ZNF653: variants seen among roughly 807,000 people sequenced by gnomAD.
ZNF653 encodes the protein 67 kDa zinc finger protein.
A neutral mutation model predicts 59.9 loss-of-function variants in ZNF653; 37 were observed. The ratio of observed to expected loss-of-function variants is 0.62; its 90% CI spans 0.48 to 0.81. The LOEUF (loss-of-function observed/expected upper bound fraction) is 0.81. Among genes scored for constraint, ZNF653 ranks in the 40% least tolerant of loss-of-function variants. ZNF653 has a pLI of 0.00. For missense variants in ZNF653, 808 were observed against 881.1 expected, an observed-to-expected ratio of 0.92 and a Z score of 1.05; for synonymous variants, 435 against 371.8, an observed-to-expected ratio of 1.17 and a Z score of -1.96.
At position 11,495,994 on chromosome 19, in the gene ZNF653, G is replaced by A. The variant is rs1167493887; in HGVS notation, c.515C>T (p.Ser172Leu). The A allele has an allele frequency of 6.8e-6, 11 of 1,614,028 alleles. No homozygotes were observed. Among genetic ancestry groups the A allele is most frequent in the Admixed American group, 5.0e-5 (3 of 60,000 alleles). ...AGHRYFQDLH[S>L]PLKPLSDSDP... Reference sequence around the variant, plus strand: ...TGAGTCGCTGAGGGGCTTCAGGGGCGAATGCAGGTCCTGGAAGTAGCGGTG... The same window carrying A: ...TGAGTCGCTGAGGGGCTTCAGGGGCAAATGCAGGTCCTGGAAGTAGCGGTG... The change falls in exon 3 of 9, where the codon TCG (serine) becomes TTG (leucine). Residue 172 changes from serine (S) to leucine (L), a missense_variant. Coordinates refer to ENST00000293771, the MANE Select transcript of ZNF653 (RefSeq NM_138783.4). This position sits in a 1 kb window ranked among gnomAD's most constrained non-coding sequence, Gnocchi z 4.9.
intron 1 of ZNF653, 41 bp from the exon 2 acceptor site, chr19:11,498,380 C>T (rs182199095): frequency 1.2e-6 from 2 of 1,613,596 alleles, no homozygotes; most frequent in East Asian, 2.2e-5. Flanking sequence ...GGGGGACCAG[C>T]GCTGGGCCTG....
chr19:11,505,322 C>A, intron 1 of ZNF653, 166 bp downstream of exon 1: 1 of 667,608 alleles, frequency 1.5e-6, no homozygotes, highest in Admixed American at 4.3e-5. Context: ...GGCCACGAGC[C>A]AGGCGCGTCC....
chr19:11,483,899 G>A lies in ZNF653; in HGVS notation c.1671-40C>T, dbSNP rs748760125. The A allele has an allele frequency of 2.0e-6, 3 of 1,501,768 alleles. No individual in the cohort carries two copies. In the African/African-American group the frequency reaches 4.2e-5, roughly 21 times the overall value. 93.0% of individuals were successfully genotyped at this position (1,501,768 alleles called of 1,614,324 possible). ...TGGCGGGACGGGGCGGGGTCAGAGTGGGCGGGGCGGGGCGGGGCCCTACAA... is the reference window on the plus strand; with the variant it reads ...TGGCGGGACGGGGCGGGGTCAGAGTAGGCGGGGCGGGGCGGGGCCCTACAA... On this transcript the variant is annotated intron_variant, in intron 8 of 8. Transcript: ENST00000293771.
chr19:11,501,878 TC>T (rs1344707985), intron 1 of ZNF653, among the ~76,000 whole-genome samples: 2 of 152,126 alleles, frequency 1.3e-5, no homozygotes, highest in African/African-American at 4.8e-5. Context: ...CACTGCAAAC[TC>T]TGCCTCCTGG....
chr19:11,499,089 G>A (rs1264740849), intron 1 of ZNF653, among the ~76,000 whole-genome samples: 3 of 152,110 alleles, frequency 2.0e-5, no homozygotes, highest in African/African-American at 7.2e-5. Context: ...CCCTCCCTTG[G>A]ACTCTCTCCC....
At chr19:11,490,920 C>T (rs547910642) in intron 3 of ZNF653, among the ~76,000 whole-genome samples, 2 of 152,360 alleles carry the variant, frequency 1.3e-5, no homozygotes, top group South Asian at 2.1e-4. Context: ...AGCTCAGTCT[C>T]TCCAGTGGCT....
At chr19:11,494,380 A>G (rs1451105016) in intron 3 of ZNF653, among the ~76,000 whole-genome samples, 1 of 126,962 alleles carries the variant, frequency 7.9e-6, no homozygotes, top group Non-Finnish European at 1.6e-5. Flanking sequence ...AACATAACAT[A>G]AAACATAACA....
chr19:11,499,023 C>G (rs1971617189), intron 1 of ZNF653, among the ~76,000 whole-genome samples: 1 of 152,206 alleles, frequency 6.6e-6, no homozygotes. Context: ...CCGTGCCCAG[C>G]CTAGAATCTG....
intron 8 of ZNF653, 69 bp downstream of exon 8, chr19:11,483,973 C>T (rs1485251887): frequency 1.3e-6 from 2 of 1,532,332 alleles, no homozygotes; most frequent in Admixed American, 2.0e-5. Flanking sequence ...GGGGCGAAGC[C>T]GCCCCTGGGA....
chr19:11,505,373 TG>T, intron 1 of ZNF653, 114 bp downstream of exon 1: 1 of 1,152,432 alleles, frequency 8.7e-7, no homozygotes, highest in Non-Finnish European at 1.1e-6. Context: ...GCCCGGCTCC[TG>T]GGCGGGGTCC....
intron 1 of ZNF653, 53 bp downstream of exon 1, chr19:11,505,435 G>A: frequency 7.3e-7 from 1 of 1,374,732 alleles, no homozygotes; most frequent in South Asian, 1.6e-5. Context: ...GTAAAGCCCG[G>A]CGGGGTCTGG....
chr19:11,483,529 G>A lies in ZNF653; in HGVS notation c.*153C>T, dbSNP rs1438090004. The A allele has an allele frequency of 2.1e-6, 3 of 1,404,088 alleles. No homozygotes were observed. The highest frequency in any genetic ancestry group is 5.4e-5 in the East Asian group (2 of 36,744). The allele number at this position is 1,404,088 out of a possible 1,614,324, so 87.0% of individuals were successfully genotyped here. A position where few individuals can be genotyped will look rare whatever the true frequency, so the allele number is the denominator to read the frequency against. ...GAAGGATGCGGTGGGGCGGGGTGGG[G>A]AACCTGCCCAGGGGGCCCAGCTCTG... On this transcript the variant is annotated 3_prime_UTR_variant, in exon 9 of 9. Transcript: ENST00000293771.
In ZNF653 at chr19:11,495,605, T is replaced by C. The variant is rs1439405156; in HGVS notation, c.559+345A>G. On this transcript the variant is annotated intron_variant, in intron 3 of 8. Transcript: ENST00000293771. This position sits in a 1 kb window ranked among gnomAD's most constrained non-coding sequence, Gnocchi z 4.9. ...GGCCTGGGTGGTTTAGGCGGCCGTT[T>C]CGCTGTGGGGGCCGAGCCCTGCCCC... The C allele has an allele frequency of 8.4e-6, 3 of 356,152 alleles. No individual in the cohort carries two copies. The highest frequency in any genetic ancestry group is 1.6e-5 in the Non-Finnish European group (3 of 187,316). 22.1% of individuals were successfully genotyped at this position (356,152 alleles called of 1,614,324 possible).
At chr19:11,488,848 G>A (rs1002452164) in intron 3 of ZNF653, among the ~76,000 whole-genome samples, 3 of 150,172 alleles carry the variant, frequency 2.0e-5, no homozygotes, top group East Asian at 4.0e-4. Flanking sequence ...CGCCCACCTC[G>A]GCCTCCGAAA....
intron 3 of ZNF653, among the ~76,000 whole-genome samples, chr19:11,489,814 TCCTGGGC>T (rs1303880004): frequency 6.6e-6 from 1 of 152,240 alleles, no homozygotes; most frequent in Admixed American, 6.5e-5. Context: ...CGCTGTGGTA[TCCTGGGC>T]CCTTCCTGGT....
chr19:11,496,232 G>C (rs1971587022), intron 2 of ZNF653, 67 bp from the exon 3 acceptor site: 1 of 1,505,124 alleles, frequency 6.6e-7, no homozygotes, highest in African/African-American at 1.4e-5. Flanking sequence ...ATGGCTGCCT[G>C]AACCACCGGG....
Position 11,487,883 on chromosome 19 carries a change from CA to C in ZNF653, c.579del (p.Gly194AlafsTer126), listed in dbSNP as rs1971487482. ...CCAGAGCTGGATGAGTCAGAGCTGCCAGCCACCAGCCCATTGCCCACTGTGG... is the reference window on the plus strand; with the variant it reads ...CCAGAGCTGGATGAGTCAGAGCTGCCGCCACCAGCCCATTGCCCACTGTGG... ...DSDKVGNGLV[A>X]GSSDSSSSGS... On this transcript the variant is annotated frameshift_variant, in exon 4 of 9. Coordinates refer to ENST00000293771, the MANE Select transcript of ZNF653 (RefSeq NM_138783.4). LOFTEE classifies it high-confidence loss of function. The surrounding 1 kb of genome is among the most constrained non-coding windows in gnomAD (Gnocchi z 5.1). The C allele has an allele frequency of 6.3e-7, 1 of 1,594,804 alleles. No homozygotes were observed. The highest frequency in any genetic ancestry group is 8.6e-7 in the Non-Finnish European group (1 of 1,168,086).
chr19:11,505,118 C>T (rs680184), intron 1 of ZNF653: 45,835 of 207,992 alleles, frequency 0.22, 10,795 homozygotes, highest in African/African-American at 0.67. Context: ...AGGTGGGGAA[C>T]TAAGCGGGGG....
chr19:11,495,975 G>C lies in ZNF653; in HGVS notation c.534C>G (p.Ser178Arg), dbSNP rs374112767. Residue 178 changes from serine (S) to arginine (R), a missense_variant, in exon 3 of 9, where the codon AGC (serine) becomes AGG (arginine). Ser to Arg is a moderately radical substitution (Grantham distance 110). Coordinates refer to ENST00000293771, the MANE Select transcript of ZNF653 (RefSeq NM_138783.4). The surrounding 1 kb of genome is among the most constrained non-coding windows in gnomAD (Gnocchi z 4.9). ...QDLHSPLKPL[S>R]DSDPDSDKVG... ...CTTTGTCACTGTCAGGGTCTGAGTC[G>C]CTGAGGGGCTTCAGGGGCGAATGCA... The C allele has an allele frequency of 1.2e-6, 2 of 1,614,112 alleles. No individual in the cohort carries two copies. Among genetic ancestry groups the C allele is most frequent in the Non-Finnish European group, 1.7e-6 (2 of 1,180,002 alleles).
Sources: allele counts gnomAD v4.1 joint callset (sites outside exome capture counted in the v4.1 genomes callset), GRCh38; gene constraint gnomAD v4.1.1; non-coding constraint Gnocchi (gnomAD v3.1); transcripts MANE v1.5; gene names NCBI Gene and HGNC (gene_info 2026-07-23, HGNC 2026-07-21).